The following ANK2 variants were observed in gnomAD, a reference collection of about 807,000 sequenced individuals.
ANK2 encodes ankyrin 2, also known as ankyrin-2.
ANK2 carries 83 observed loss-of-function variants against 360.5 expected under a neutral mutation model. The ratio of observed to expected loss-of-function variants is 0.23; its 90% CI spans 0.19 to 0.28. ANK2 has a LOEUF of 0.28. ANK2 is among the 10% of genes least tolerant of loss of function. The pLI, the probability that ANK2 is intolerant of heterozygous loss-of-function variation, is 1.00. For synonymous variants in ANK2, 1,740 were observed against 1,759.5 expected, an observed-to-expected ratio of 0.99 and a Z score of 0.28; for missense variants, 4,201 against 4,795.7, an observed-to-expected ratio of 0.88 and a Z score of 3.66.
intron 2 of ANK2, among the ~76,000 whole-genome samples, chr4:112,977,664 T>A (rs2154269561): frequency 6.6e-6 from 1 of 152,214 alleles, no homozygotes; most frequent in East Asian, 1.9e-4. Flanking sequence ...GCTGCACCTA[T>A]CAACCCATCA....
intron 2 of ANK2, among the ~76,000 whole-genome samples, chr4:113,184,405 A>G (rs1345181168): frequency 6.6e-6 from 1 of 152,040 alleles, no homozygotes; most frequent in Non-Finnish European, 1.5e-5. Flanking sequence ...AACTATCTGG[A>G]GAAAGAAGTG....
At chr4:112,997,718 G>T (rs2049073069) in intron 2 of ANK2, among the ~76,000 whole-genome samples, 1 of 151,510 alleles carries the variant, frequency 6.6e-6, no homozygotes, top group Admixed American at 6.6e-5. Flanking sequence ...AAAATTGTAT[G>T]TGGTATACAA....
intron 1 of ANK2, among the ~76,000 whole-genome samples, chr4:112,864,321 A>AT (rs1163148503): frequency 6.6e-6 from 1 of 152,146 alleles, no homozygotes; most frequent in Non-Finnish European, 1.5e-5. Flanking sequence ...TTTTATTTTT[A>AT]TTTTTTGAGA....
At chr4:113,174,065 C>T (rs1335210687) in intron 1 of ANK2, 1 of 265,340 alleles carries the variant, frequency 3.8e-6, no homozygotes, top group African/African-American at 2.3e-5. Flanking sequence ...TATAAAGTCA[C>T]TAGAATCTTG....
At chr4:112,826,320 C>T (rs1406089798) in intron 1 of ANK2, 10 of 808,356 alleles carry the variant, frequency 1.2e-5, no homozygotes, top group African/African-American at 5.2e-5. Flanking sequence ...CTTCAGACTT[C>T]GAAAACCACT....
chr4:113,018,421 T>C (rs1056531437), intron 2 of ANK2, among the ~76,000 whole-genome samples: 2 of 152,112 alleles, frequency 1.3e-5, no homozygotes, highest in African/African-American at 4.8e-5. Context: ...GTCATAGGAG[T>C]TGGTCATACT....
chr4:113,358,556 C>T lies in ANK2; in HGVS notation c.9938C>T (p.Thr3313Ile). The change falls in exon 38 of 46, where the codon ACC becomes ATC. Residue 3313 changes from threonine (T) to isoleucine (I), a missense_variant. Around this residue, in one of 4 missense-constraint regions of ANK2, gnomAD observed 2,642 missense variants for 2,714.5 expected, o/e 0.97. Coordinates refer to ENST00000357077, the MANE Select transcript of ANK2 (RefSeq NM_001148.6). ...KIPVRTMPTS[T>I]PAPPSAEYES... ...CCTGTAAGGACTATGCCCACTTCCA[C>T]CCCAGCACCTCCATCTGCAGAGTAT... is the stretch of plus-strand genomic sequence containing the variant. 1 of 1,614,084 alleles carries T rather than the reference C, an allele frequency of 6.2e-7. No individual in the cohort carries two copies. The highest frequency in any genetic ancestry group is 1.3e-5 in the African/African-American group (1 of 75,048).
chr4:113,106,188 A>T (rs1240626804), intron 1 of ANK2, among the ~76,000 whole-genome samples: 1 of 152,236 alleles, frequency 6.6e-6, no homozygotes, highest in East Asian at 1.9e-4. Flanking sequence ...ATGTTAAAGT[A>T]GCCCTCTAAA....
chr4:112,822,417 CA>C lies in ANK2; in HGVS notation c.-40+4168del, dbSNP rs1159310102. Reference sequence around the variant, plus strand: ...TGGGCGACAGAGCGAGATTCCGTCTCAAAAAAAAAAAAAAAGAAAAACAACA... The same window carrying C: ...TGGGCGACAGAGCGAGATTCCGTCTCAAAAAAAAAAAAAAGAAAAACAACA... On this transcript the variant is annotated intron_variant, in intron 1 of 30. Coordinates refer to the ANK2 transcript ENST00000503271. Among the ~76,000 whole-genome samples the C allele has an allele frequency of 9.4e-3, 889 of 94,614 alleles. 7 individuals are homozygous for C. The highest frequency in any genetic ancestry group is 0.027 in the African/African-American group (725 of 26,712). 62.1% of individuals were successfully genotyped at this position (94,614 alleles called of 152,430 possible).
At chr4:113,371,468 G>A (rs73844007) in intron 43 of ANK2, among the ~76,000 whole-genome samples, 2,208 of 152,180 alleles carry the variant, frequency 0.015, 62 homozygotes, top group African/African-American at 0.05. Context: ...GAATCCATAG[G>A]CTTAGTGAAG....
chr4:113,302,601 T>C (rs1043933421), intron 22 of ANK2, among the ~76,000 whole-genome samples, 166 bp from the exon 23 acceptor site: 3 of 152,200 alleles, frequency 2.0e-5, no homozygotes, highest in Non-Finnish European at 2.9e-5. Context: ...AAAGAACAAA[T>C]GAGTTTTCAT....
Position 113,369,805 on chromosome 4 carries a change from G to T in ANK2, c.11610G>T (p.Lys3870Asn). The T allele has an allele frequency of 1.9e-6, 3 of 1,613,996 alleles. No individual in the cohort carries two copies. Among genetic ancestry groups the T allele is most frequent in the Non-Finnish European group, 2.5e-6 (3 of 1,179,992 alleles). ...ERLDEDAAFE[K>N]GDDMPEIPPE... ...TCGATGAAGATGCAGCTTTTGAAAA[G>T]GTAAGACATTCCTCTCCACTTTCTC... The change falls in exon 43 of 46, where the codon AAG becomes AAT. Residue 3870 changes from lysine to asparagine, a missense_variant and splice_region_variant. Around this residue, in one of 4 missense-constraint regions of ANK2, gnomAD observed 2,642 missense variants for 2,714.5 expected, o/e 0.97. Transcript: ENST00000357077.
At position 113,355,430 on chromosome 4, in the gene ANK2, C is replaced by A. The variant is rs767516468; in HGVS notation, c.6812C>A (p.Thr2271Lys). 1 of 1,613,820 alleles carries A rather than the reference C, an allele frequency of 6.2e-7. No homozygotes were observed. The highest frequency in any genetic ancestry group is 2.2e-5 in the East Asian group (1 of 44,880). Residue 2271 changes from threonine (T) to lysine (K), a missense_variant, in exon 38 of 46, where the codon ACA (threonine) becomes AAA (lysine). Coordinates refer to ENST00000357077, the MANE Select transcript of ANK2 (RefSeq NM_001148.6). Reference sequence around the variant, plus strand: ...GAAAGCACCAAGACAGAAACCACCACAGAAATTCGTTCAGAAAAAGAGCAT... The same window carrying A: ...GAAAGCACCAAGACAGAAACCACCAAAGAAATTCGTTCAGAAAAAGAGCAT... ...TKESTKTETT[T>K]EIRSEKEHPT...
chr4:113,382,982 T>C lies in ANK2; in HGVS notation c.*1511T>C, dbSNP rs2154093429. 6.5e-6 allele frequency: 1 copy of C among 152,766 alleles called. No homozygotes were observed. Among genetic ancestry groups the C allele is most frequent in the Middle Eastern group, 3.4e-3 (1 of 294 alleles). The allele number at this position is 152,766 out of a possible 1,614,324, so 9.5% of individuals were successfully genotyped here. On this transcript the variant is annotated 3_prime_UTR_variant, in exon 46 of 46. Transcript: ENST00000357077. ...TTCCATGTCCTCTTCCTTATTCCTC[T>C]AGTGGTTGAAGCTGTGTAGCATTTT...
upstream of ANK2, among the ~76,000 whole-genome samples, chr4:113,046,205 G>T (rs957196721): frequency 1.3e-5 from 2 of 152,052 alleles, no homozygotes; most frequent in Non-Finnish European, 1.5e-5. Context: ...TTTACCCCCG[G>T]TGTTGTAATT....
At chr4:113,171,756 C>A (rs1036248524) in intron 1 of ANK2, among the ~76,000 whole-genome samples, 1 of 152,178 alleles carries the variant, frequency 6.6e-6, no homozygotes, top group East Asian at 1.9e-4. Flanking sequence ...AAAGAGAAAA[C>A]CAGTTATGAA....
rs773404078 is a variant in ANK2, at chr4:113,318,640, G to C, written c.2900+20G>C. On this transcript the variant is annotated intron_variant, in intron 26 of 45. Coordinates refer to ENST00000357077, the MANE Select transcript of ANK2 (RefSeq NM_001148.6). Reference sequence around the variant, plus strand: ...TTCAGGGTGAGTAAATCAATATTATGTATCCTGATCAAGAGGTAAAAAGAG... The same window carrying C: ...TTCAGGGTGAGTAAATCAATATTATCTATCCTGATCAAGAGGTAAAAAGAG... The C allele has an allele frequency of 1.3e-6, 2 of 1,572,898 alleles. No individual in the cohort carries two copies. The highest frequency in any genetic ancestry group is 1.7e-6 in the Non-Finnish European group (2 of 1,147,642).
At chr4:113,246,738 A>C (rs1480415925) in intron 9 of ANK2, among the ~76,000 whole-genome samples, 1 of 152,226 alleles carries the variant, frequency 6.6e-6, no homozygotes, top group East Asian at 1.9e-4. Context: ...TAATTAAAGC[A>C]GTAACAATAA....
intron 1 of ANK2, among the ~76,000 whole-genome samples, chr4:112,850,329 C>T (rs578026823): frequency 8.3e-6 from 1 of 120,722 alleles, no homozygotes; most frequent in African/African-American, 3.3e-5. Context: ...ATCCATTCAT[C>T]TGTCCATCCA....
Sources: gnomAD v4.1 joint callset for allele counts (sites outside exome capture counted in the v4.1 genomes callset) on GRCh38, gnomAD v4.1.1 for gene constraint, gnomAD v4.1.1 regional missense constraint, MANE v1.5 for transcripts, NCBI Gene and HGNC (gene_info 2026-07-23, HGNC 2026-07-21) for gene names.